ITGA9: variants seen among roughly 807,000 people sequenced by gnomAD.
ITGA9 encodes integrin subunit alpha 9, also known as integrin alpha-9.
In ITGA9, 56 loss-of-function variants were observed where a neutral mutation model predicts 127.8. The observed-to-expected ratio is 0.44, with a 90% CI of 0.35 to 0.55. The LOEUF is 0.55. ITGA9 is among the 20% of genes least tolerant of loss of function. The pLI, the probability that ITGA9 is intolerant of heterozygous loss-of-function variation, is 0.00. For synonymous variants in ITGA9, 508 were observed against 514.5 expected (o/e 0.99, Z 0.17); for missense variants, 1,196 against 1,347.1 (o/e 0.89, Z 1.76).
At chr3:37,790,442 C>G in intron 26 of ITGA9, 1 of 411,880 alleles carries the variant, frequency 2.4e-6, no homozygotes, top group South Asian at 1.9e-5. Flanking sequence ...ACTGCAGCCC[C>G]CATCTCATAA....
chr3:37,711,866 A>C (rs889190980), intron 18 of ITGA9, among the ~76,000 whole-genome samples: 12 of 152,320 alleles, frequency 7.9e-5, no homozygotes, highest in African/African-American at 2.9e-4. Flanking sequence ...GGCCCTCCAG[A>C]GTCCAGCAGC....
In ITGA9 at chr3:37,473,489, A is replaced by G. The variant is rs766468816; in HGVS notation, c.420+29A>G. 14 of 1,519,542 alleles carry G rather than the reference A, an allele frequency of 9.2e-6. No homozygotes were observed. In the South Asian group the frequency reaches 1.4e-4, roughly 15 times the overall value. The allele number at this position is 1,519,542 out of a possible 1,614,324, so 94.1% of individuals were successfully genotyped here. Reference sequence around the variant, plus strand: ...AGTCCCTCCTGGGGGTGCTGTGGGAAGGGGGTGGCACTCTGAGAATGAATG... The same window carrying G: ...AGTCCCTCCTGGGGGTGCTGTGGGAGGGGGGTGGCACTCTGAGAATGAATG... On this transcript the variant is annotated intron_variant, in intron 3 of 27. Transcript: ENST00000264741.
rs965844308 is a variant in ITGA9 at position 37,607,886 on chromosome 3, ACAATT to A, written c.1690-21297_1690-21293del. On this transcript the variant is annotated intron_variant, in intron 15 of 27. Transcript: ENST00000264741. ...CAAAAGGACCGAAGGTTCTTCTTTAACAATTCAAATTGAATAGGAACCATTTTTAA... is the reference window on the plus strand; with the variant it reads ...CAAAAGGACCGAAGGTTCTTCTTTAACAAATTGAATAGGAACCATTTTTAA... 8.9e-4 allele frequency among the ~76,000 whole-genome samples: 136 copies of A among 152,304 alleles called. 3 individuals carry two copies. The Middle Eastern group carries it at 0.014, about 15-fold the overall frequency.
At chr3:37,769,675 T>C (rs1696820586) in intron 23 of ITGA9, among the ~76,000 whole-genome samples, 1 of 152,234 alleles carries the variant, frequency 6.6e-6, no homozygotes. Context: ...TTGCACATGC[T>C]GTTCTCTTCC....
intron 18 of ITGA9, among the ~76,000 whole-genome samples, chr3:37,689,782 G>A (rs1218595794): frequency 6.6e-6 from 1 of 152,180 alleles, no homozygotes; most frequent in Non-Finnish European, 1.5e-5. Context: ...TTTTGCCCTG[G>A]AGCCGTTTGG....
At chr3:37,765,949 G>T (rs1053944070) in intron 23 of ITGA9, among the ~76,000 whole-genome samples, 1 of 152,222 alleles carries the variant, frequency 6.6e-6, no homozygotes, top group Non-Finnish European at 1.5e-5. Context: ...ATGCCGATGC[G>T]TAGGTGCCTG....
At chr3:37,715,078 G>A (rs1701120580) in intron 18 of ITGA9, among the ~76,000 whole-genome samples, 1 of 152,184 alleles carries the variant, frequency 6.6e-6, no homozygotes. Flanking sequence ...AATGCCACGT[G>A]TTCAGAGCTC....
At chr3:37,714,814 A>G (rs1428808661) in intron 18 of ITGA9, among the ~76,000 whole-genome samples, 1 of 152,202 alleles carries the variant, frequency 6.6e-6, no homozygotes, top group Non-Finnish European at 1.5e-5. Context: ...CCACTGTGCT[A>G]CGGGCAGGTT....
chr3:37,739,487 A>G (rs1204705020), intron 20 of ITGA9, among the ~76,000 whole-genome samples: 1 of 152,158 alleles, frequency 6.6e-6, no homozygotes, highest in East Asian at 1.9e-4. Context: ...TATCTTGAAA[A>G]CTACAGTTAA....
intron 1 of ITGA9, among the ~76,000 whole-genome samples, chr3:37,465,297 G>A (rs1349260741): frequency 6.6e-6 from 1 of 152,182 alleles, no homozygotes; most frequent in African/African-American, 2.4e-5. Context: ...AGAGCGAGGT[G>A]GGCGGCTGGA....
At chr3:37,693,274 G>T (rs894483581) in intron 18 of ITGA9, among the ~76,000 whole-genome samples, 2 of 152,176 alleles carry the variant, frequency 1.3e-5, no homozygotes, top group Non-Finnish European at 2.9e-5. Context: ...TATTGTGGGA[G>T]GGGTGATGAT....
At chr3:37,800,361 A>G (rs1272458518) in intron 26 of ITGA9, among the ~76,000 whole-genome samples, 1 of 152,198 alleles carries the variant, frequency 6.6e-6, no homozygotes, top group Non-Finnish European at 1.5e-5. Context: ...GAACTGCCAC[A>G]TTTCCCTATC....
At chr3:37,571,874 A>T (rs1050576711) in intron 15 of ITGA9, among the ~76,000 whole-genome samples, 4 of 151,588 alleles carry the variant, frequency 2.6e-5, no homozygotes, top group Middle Eastern at 3.2e-3. Flanking sequence ...TCCTTTATTC[A>T]TCCTGCCCTT....
intron 23 of ITGA9, among the ~76,000 whole-genome samples, chr3:37,760,639 A>G (rs1202329090): frequency 6.6e-6 from 1 of 152,250 alleles, no homozygotes; most frequent in Non-Finnish European, 1.5e-5. Flanking sequence ...AAGACATTAG[A>G]GAAAGCCTGT....
At chr3:37,787,206 C>A (rs1385761306) in intron 26 of ITGA9, among the ~76,000 whole-genome samples, 2 of 152,116 alleles carry the variant, frequency 1.3e-5, no homozygotes, top group African/African-American at 4.8e-5. Flanking sequence ...TTAGAATGTT[C>A]TGGTAAACCA....
At chr3:37,734,821 A>G (rs758323513) in intron 19 of ITGA9, among the ~76,000 whole-genome samples, 2 of 152,220 alleles carry the variant, frequency 1.3e-5, no homozygotes, top group Admixed American at 6.5e-5. Context: ...CCACAGAAGT[A>G]TGAACATTGG....
chr3:37,535,359 G>A (rs1699197954), intron 14 of ITGA9, among the ~76,000 whole-genome samples: 1 of 152,262 alleles, frequency 6.6e-6, no homozygotes, highest in Non-Finnish European at 1.5e-5. Flanking sequence ...CATGAGACAA[G>A]TGGTAGAGCA....
intron 1 of ITGA9, among the ~76,000 whole-genome samples, chr3:37,455,519 A>G (rs1018100343): frequency 1.3e-5 from 2 of 152,172 alleles, no homozygotes; most frequent in East Asian, 1.9e-4. Flanking sequence ...TAGAACCTAC[A>G]TGGGGGTGAC....
At chr3:37,684,130 A>G in intron 18 of ITGA9, 115 bp downstream of exon 18, 1 of 946,284 alleles carries the variant, frequency 1.1e-6, no homozygotes, top group Non-Finnish European at 1.7e-6. Context: ...TCTGTGGACT[A>G]TCATTTAGAA....
Sources: gnomAD v4.1 joint callset for allele counts (sites outside exome capture counted in the v4.1 genomes callset) on GRCh38, gnomAD v4.1.1 for gene constraint, MANE v1.5 for transcripts, NCBI Gene and HGNC (gene_info 2026-07-23, HGNC 2026-07-21) for gene names.